STARD6: variants seen among roughly 807,000 people sequenced by gnomAD.
STARD6 encodes stAR-related lipid transfer protein 6.
A neutral mutation model predicts 22.3 loss-of-function variants in STARD6; 21 were observed. That is an observed-to-expected ratio of 0.94 (90% confidence interval 0.67 to 1.35). The LOEUF is 1.35. Ranked by LOEUF, STARD6 falls within the 40% of genes most tolerant of loss-of-function variation. STARD6 has a pLI of 0.00. For missense variants in STARD6, 269 were observed against 266.9 expected (o/e 1.01, Z -0.05); for synonymous variants, 80 against 88.1 (o/e 0.91, Z 0.52).
At chr18:54,328,334 G>A (rs72931022) in intron 7 of STARD6, among the ~76,000 whole-genome samples, 1,930 of 152,288 alleles carry the variant, frequency 0.013, 20 homozygotes, top group Middle Eastern at 0.031. Flanking sequence ...GGCCTGTGAA[G>A]CACACTTTAA....
intron 4 of STARD6, among the ~76,000 whole-genome samples, chr18:54,352,884 A>T (rs1337267375): frequency 6.6e-6 from 1 of 152,218 alleles, no homozygotes; most frequent in Non-Finnish European, 1.5e-5. Context: ...GTTGCTGTCT[A>T]CACTGGTCTG....
chr18:54,339,066 A>C (rs1408555902), intron 4 of STARD6, among the ~76,000 whole-genome samples: 176 of 147,004 alleles, frequency 1.2e-3, no homozygotes, highest in African/African-American at 4.1e-3. Context: ...AAAAAAAAAA[A>C]AAAAAAAAAA....
intron 7 of STARD6, among the ~76,000 whole-genome samples, chr18:54,325,470 T>C (rs1348836375): frequency 6.6e-6 from 1 of 152,198 alleles, no homozygotes; most frequent in Non-Finnish European, 1.5e-5. Context: ...AGTCCTTTTA[T>C]TGACTATCAT....
At chr18:54,339,067 A>AAAC (rs2088945531) in intron 4 of STARD6, among the ~76,000 whole-genome samples, 3 of 147,232 alleles carry the variant, frequency 2.0e-5, no homozygotes, top group African/African-American at 7.5e-5. Context: ...AAAAAAAAAA[A>AAAC]AAAAAAAAAA....
chr18:54,341,769 A>G (rs1265085473), intron 4 of STARD6, among the ~76,000 whole-genome samples: 1 of 152,232 alleles, frequency 6.6e-6, no homozygotes, highest in Non-Finnish European at 1.5e-5. Flanking sequence ...CTGCAAAAGC[A>G]GTGCTTAGAG....
chr18:54,328,992 A>G (rs1464689054), intron 7 of STARD6, among the ~76,000 whole-genome samples: 2 of 152,156 alleles, frequency 1.3e-5, no homozygotes, highest in South Asian at 2.1e-4. Flanking sequence ...TAAGTGTGCT[A>G]TAATTCTAGG....
At chr18:54,355,837 TCA>T (rs1365447399) in intron 2 of STARD6, 1 of 152,238 alleles carries the variant, frequency 6.6e-6, no homozygotes, top group African/African-American at 2.4e-5. Context: ...CATCCAGCTT[TCA>T]GTTAGGGGAA....
intron 5 of STARD6, among the ~76,000 whole-genome samples, chr18:54,336,245 G>A (rs1403482367): frequency 6.6e-6 from 1 of 151,998 alleles, no homozygotes; most frequent in African/African-American, 2.4e-5. Flanking sequence ...TCTATATAAT[G>A]TTATTTCCTT....
chr18:54,351,224 C>A (rs776960819), intron 4 of STARD6, among the ~76,000 whole-genome samples: 3 of 151,986 alleles, frequency 2.0e-5, no homozygotes, highest in Non-Finnish European at 4.4e-5. Context: ...TTAAGTATTT[C>A]TTTTTTTGCA....
At chr18:54,345,097 G>A (rs183787109) in intron 4 of STARD6, among the ~76,000 whole-genome samples, 106 of 152,124 alleles carry the variant, frequency 7.0e-4, no homozygotes, top group Non-Finnish European at 1.3e-3. Context: ...TGAAAAGGAA[G>A]AAGTAAAACT....
At chr18:54,336,066 T>C (rs1264630212) in intron 5 of STARD6, among the ~76,000 whole-genome samples, 1 of 152,190 alleles carries the variant, frequency 6.6e-6, no homozygotes, top group South Asian at 2.1e-4. Flanking sequence ...CCTTACCTCA[T>C]ACTGATCCTT....
chr18:54,325,378 A>G (rs549733503), intron 7 of STARD6, among the ~76,000 whole-genome samples: 2 of 152,294 alleles, frequency 1.3e-5, no homozygotes, highest in African/African-American at 2.4e-5. Flanking sequence ...ATAGGACACT[A>G]TGAACTTCCT....
At chr18:54,342,446 C>CCTCTCA (rs869254539) in intron 4 of STARD6, among the ~76,000 whole-genome samples, 2 of 130,250 alleles carry the variant, frequency 1.5e-5, no homozygotes, top group Non-Finnish European at 3.4e-5. Flanking sequence ...TCTCCCTCTC[C>CCTCTCA]CTCTCCCTCT....
intron 7 of STARD6, 114 bp downstream of exon 7, chr18:54,329,233 C>T: frequency 2.6e-6 from 2 of 770,674 alleles, no homozygotes; most frequent in Non-Finnish European, 3.9e-6. Context: ...AAGTTTTTTT[C>T]CCGCAACAGA....
At chr18:54,343,402 C>T (rs1194837033) in intron 4 of STARD6, among the ~76,000 whole-genome samples, 1 of 143,148 alleles carries the variant, frequency 7.0e-6, no homozygotes, top group Non-Finnish European at 1.5e-5. Context: ...CCAGCCGTGC[C>T]ATCCGGGAGG....
intron 5 of STARD6, among the ~76,000 whole-genome samples, chr18:54,335,195 T>C (rs2088897609): frequency 6.6e-6 from 1 of 151,196 alleles, no homozygotes; most frequent in Admixed American, 6.6e-5. Context: ...TATTTATTTA[T>C]TTATTTATTT....
intron 4 of STARD6, among the ~76,000 whole-genome samples, chr18:54,347,692 A>T (rs2089050171): frequency 6.6e-6 from 1 of 152,092 alleles, no homozygotes. Flanking sequence ...GTTTATGAAG[A>T]TACTAAACTG....
rs1252767113 is a variant in STARD6 at position 54,342,677 on chromosome 18, G to A, written c.141-5426C>T. On this transcript the variant is annotated intron_variant, in intron 4 of 7. Transcript: ENST00000307844. ...GGGGTTTCGCTGTGTTGGCCGGACC[G>A]GTCTCCAGCCCCTAACCGCGAGTGA... Among the ~76,000 whole-genome samples the A allele has an allele frequency of 1.9e-4, 19 of 102,578 alleles. No homozygotes were observed. The South Asian group carries it at 2.1e-3, about 11-fold the overall frequency. 67.3% of individuals were successfully genotyped at this position (102,578 alleles called of 152,430 possible). A position where few individuals can be genotyped will look rare whatever the true frequency, so the allele number is the denominator to read the frequency against.
Position 54,343,325 on chromosome 18 carries a change from T to G in STARD6, c.141-6074A>C, listed in dbSNP as rs567513858. Among the ~76,000 whole-genome samples the G allele has an allele frequency of 1.2e-3, 164 of 135,538 alleles. 5 individuals are homozygous for G. The highest frequency in any genetic ancestry group is 4.4e-3 in the African/African-American group (156 of 35,454). 88.9% of individuals were successfully genotyped at this position (135,538 alleles called of 152,430 possible). A position where few individuals can be genotyped will look rare whatever the true frequency, so the allele number is the denominator to read the frequency against. Reference sequence around the variant, plus strand: ...CCCAGCAGCCACCCCATCTGGGAAGTGAGGAGCATCTCCGCCCGGCAGCCA... The same window carrying G: ...CCCAGCAGCCACCCCATCTGGGAAGGGAGGAGCATCTCCGCCCGGCAGCCA... On this transcript the variant is annotated intron_variant, in intron 4 of 7. Transcript: ENST00000307844.
Sources: allele counts gnomAD v4.1 joint callset (sites outside exome capture counted in the v4.1 genomes callset), GRCh38; gene constraint gnomAD v4.1.1; transcripts MANE v1.5; gene names NCBI Gene and HGNC (gene_info 2026-07-23, HGNC 2026-07-21).